Variants in RLF observed in about 807,000 individuals in gnomAD.
The protein encoded by RLF is zinc finger protein Rlf.
Under a neutral mutation model 162.9 loss-of-function variants are expected in RLF, and 7 were observed. That is an observed-to-expected ratio of 0.04 (90% CI 0.02 to 0.08). The LOEUF (loss-of-function observed/expected upper bound fraction) is 0.08, where lower values mean the gene tolerates loss of function less well. RLF is among the 10% of genes least tolerant of loss of function. The pLI, the probability that RLF is intolerant of heterozygous loss-of-function variation, is 1.00. For missense variants in RLF, 1,664 were observed against 2,244.7 expected, an observed-to-expected ratio of 0.74 and a Z score of 5.23; for synonymous variants, 782 against 791.5, an observed-to-expected ratio of 0.99 and a Z score of 0.20.
At chr1:40,181,555 C>G (rs560106024) in intron 1 of RLF, among the ~76,000 whole-genome samples, 4 of 152,212 alleles carry the variant, frequency 2.6e-5, no homozygotes, top group Admixed American at 6.5e-5. Context: ...CTGTTAGATT[C>G]CATTGTTCTG....
intron 6 of RLF, among the ~76,000 whole-genome samples, chr1:40,227,700 AC>A (rs1386114616): frequency 6.6e-6 from 1 of 152,176 alleles, no homozygotes; most frequent in East Asian, 1.9e-4. Flanking sequence ...ATTCTGACTT[AC>A]TGTTTTAAAA....
In RLF at chr1:40,222,605, A is replaced by G. The variant is rs758539726; in HGVS notation, c.842A>G (p.Asp281Gly). 1 of 1,613,608 alleles carries G rather than the reference A, an allele frequency of 6.2e-7. No individual in the cohort carries two copies. Among genetic ancestry groups the G allele is most frequent in the South Asian group, 1.1e-5 (1 of 91,068 alleles). Residue 281 changes from aspartate to glycine, a missense_variant, in exon 6 of 8, where the codon GAC becomes GGC. By Grantham distance (94) the Asp-to-Gly change is moderately conservative. Around this residue, in one of 15 missense-constraint regions of RLF, gnomAD observed 287 missense variants for 404.9 expected, o/e 0.71. Coordinates refer to ENST00000372771, the MANE Select transcript of RLF (RefSeq NM_012421.4). ...AAGGTCGACTGCAAGGAAGTACTAG[A>G]CATCATTTGTAATCTGGAATCTGAG... ...IAKVDCKEVL[D>G]IICNLESEGQ...
Position 40,189,325 on chromosome 1 carries a change from C to A in RLF, c.392+116C>A, listed in dbSNP as rs150813544. 6 of 771,902 alleles carry A rather than the reference C, an allele frequency of 7.8e-6. No individual in the cohort carries two copies. In the East Asian group the frequency reaches 1.7e-4, roughly 21 times the overall value. 47.8% of individuals were successfully genotyped at this position (771,902 alleles called of 1,614,324 possible). ...TCTTCAGAGCACCATTAGAGTCATA[C>A]CATTGAATGAAATTTCCTTCCTACT... is the stretch of plus-strand genomic sequence containing the variant. On this transcript the variant is annotated intron_variant, in intron 2 of 7. Transcript: ENST00000372771.
intron 5 of RLF, among the ~76,000 whole-genome samples, chr1:40,202,824 A>G (rs756580882): frequency 1.6e-4 from 25 of 152,192 alleles, no homozygotes; most frequent in Non-Finnish European, 3.1e-4. Context: ...ACTAAAGAAT[A>G]TACAGAGGCA....
chr1:40,182,788 G>A (rs142833812), intron 1 of RLF, among the ~76,000 whole-genome samples: 66 of 151,764 alleles, frequency 4.3e-4, no homozygotes, highest in African/African-American at 1.5e-3. Context: ...TAGATAGATA[G>A]ATAGAGTAAT....
intron 1 of RLF, among the ~76,000 whole-genome samples, chr1:40,167,337 T>C (rs984274391): frequency 6.6e-6 from 1 of 152,224 alleles, no homozygotes; most frequent in African/African-American, 2.4e-5. Context: ...GCTGCCTTCT[T>C]TTTAGCGATA....
chr1:40,181,777 TA>T (rs1642407439), intron 1 of RLF, among the ~76,000 whole-genome samples: 1 of 152,164 alleles, frequency 6.6e-6, no homozygotes, highest in African/African-American at 2.4e-5. Flanking sequence ...GTAACACCAA[TA>T]ATAGGAATGT....
intron 1 of RLF, among the ~76,000 whole-genome samples, chr1:40,170,409 C>T (rs1052270560): frequency 3.9e-5 from 6 of 152,090 alleles, no homozygotes; most frequent in African/African-American, 1.4e-4. Context: ...ACCACAGGCG[C>T]GTGCCACCAC....
intron 4 of RLF, among the ~76,000 whole-genome samples, chr1:40,197,752 G>A (rs1642656742): frequency 6.6e-6 from 1 of 152,202 alleles, no homozygotes; most frequent in Non-Finnish European, 1.5e-5. Context: ...GAGGACCACA[G>A]TATAAGTGGT....
intron 1 of RLF, among the ~76,000 whole-genome samples, chr1:40,164,955 C>G (rs187321277): frequency 3.9e-5 from 6 of 152,246 alleles, no homozygotes; most frequent in African/African-American, 1.4e-4. Context: ...TACAAGGGCT[C>G]TGAGTCAGAT....
intron 5 of RLF, among the ~76,000 whole-genome samples, chr1:40,209,222 T>C (rs930034212): frequency 2.0e-5 from 3 of 152,170 alleles, no homozygotes; most frequent in African/African-American, 7.2e-5. Flanking sequence ...TCTAGAGAAG[T>C]GAAAGCAACA....
At chr1:40,202,289 A>G in intron 4 of RLF, 123 bp from the exon 5 acceptor site, 2 of 650,910 alleles carry the variant, frequency 3.1e-6, no homozygotes, top group Non-Finnish European at 5.1e-6. Context: ...TAAACTTCTC[A>G]TTTATATAAA....
chr1:40,225,725 A>T (rs1643062421), intron 6 of RLF, among the ~76,000 whole-genome samples: 1 of 151,236 alleles, frequency 6.6e-6, no homozygotes, highest in South Asian at 2.1e-4. Flanking sequence ...AAATACGGAA[A>T]ATTAGCCGAC....
intron 1 of RLF, among the ~76,000 whole-genome samples, chr1:40,185,656 C>CAAAAA (rs1163398364): frequency 7.2e-4 from 28 of 38,748 alleles, no homozygotes; most frequent in African/African-American, 2.4e-3. Flanking sequence ...ACTAAAAATA[C>CAAAAA]AAAAAAAAAA....
chr1:40,224,161 T>C (rs74771653), intron 6 of RLF, among the ~76,000 whole-genome samples: 7,357 of 152,260 alleles, frequency 0.048, 584 homozygotes, highest in African/African-American at 0.17. Flanking sequence ...GGATTAATGC[T>C]GTTCTTCTGT....
intron 3 of RLF, among the ~76,000 whole-genome samples, chr1:40,193,821 G>A (rs1040711904): frequency 2.0e-5 from 3 of 152,086 alleles, no homozygotes; most frequent in South Asian, 2.1e-4. Context: ...TTAAGGGATG[G>A]GGGAGACTTT....
In RLF at chr1:40,238,131, T is replaced by C; in HGVS notation, c.3429T>C (p.Ala1143=). Reference sequence around the variant, plus strand: ...AATATGAATTTGTGACCAGAGAGGCTCTGTTAATGCATTATCTTAAAAAGC... The same window carrying C: ...AATATGAATTTGTGACCAGAGAGGCCCTGTTAATGCATTATCTTAAAAAGC... ...GCKYEFVTRE[A]LLMHYLKKHN... Residue 1143 remains alanine (A), a synonymous_variant, in exon 8 of 8, where the codon GCT becomes GCC. Coordinates refer to ENST00000372771, the MANE Select transcript of RLF (RefSeq NM_012421.4). This position sits in a 1 kb window ranked among gnomAD's most constrained non-coding sequence, Gnocchi z 5.2. 6.2e-7 allele frequency: 1 copy of C among 1,613,900 alleles called. No individual in the cohort carries two copies. Among genetic ancestry groups the C allele is most frequent in the Non-Finnish European group, 8.5e-7 (1 of 1,179,952 alleles).
intron 1 of RLF, among the ~76,000 whole-genome samples, chr1:40,177,417 G>A (rs1642342449): frequency 6.6e-6 from 1 of 151,500 alleles, no homozygotes; most frequent in African/African-American, 2.4e-5. Flanking sequence ...AGCTTCCCAA[G>A]TAGCTGGGAC....
chr1:40,170,183 C>T (rs1163053229), intron 1 of RLF, among the ~76,000 whole-genome samples: 1 of 152,032 alleles, frequency 6.6e-6, no homozygotes, highest in Non-Finnish European at 1.5e-5. Flanking sequence ...AGGTGATTGC[C>T]TTGTCTTTCT....
Sources: allele counts gnomAD v4.1 joint callset (sites outside exome capture counted in the v4.1 genomes callset), GRCh38; gene constraint gnomAD v4.1.1; regional missense constraint gnomAD v4.1.1; non-coding constraint Gnocchi (gnomAD v3.1); transcripts MANE v1.5; gene names NCBI Gene and HGNC (gene_info 2026-07-23, HGNC 2026-07-21).